Variants in SRSF4 observed in about 807,000 individuals in gnomAD.
SRSF4 encodes serine and arginine rich splicing factor 4, also known as serine/arginine-rich splicing factor 4.
A neutral mutation model predicts 48.8 loss-of-function variants in SRSF4; 12 were observed. The ratio of observed to expected loss-of-function variants is 0.25; its 90% CI spans 0.16 to 0.40. The LOEUF is 0.40. SRSF4 is among the 10% of genes least tolerant of loss of function. The pLI is 1.00. For missense variants in SRSF4, 466 were observed against 667.1 expected, an observed-to-expected ratio of 0.70 and a Z score of 3.32; for synonymous variants, 248 against 232.5, an observed-to-expected ratio of 1.07 and a Z score of -0.61.
At chr1:29,154,641 G>T in intron 4 of SRSF4, 55 bp downstream of exon 4, 2 of 1,512,110 alleles carry the variant, frequency 1.3e-6, no homozygotes, top group Non-Finnish European at 1.8e-6. Context: ...AATTATCTAT[G>T]TGCTCACTAA....
intron 1 of SRSF4, among the ~76,000 whole-genome samples, chr1:29,180,198 CCA>C: frequency 6.6e-6 from 1 of 152,278 alleles, no homozygotes; most frequent in Admixed American, 6.5e-5. Context: ...GCTTCAAAAT[CCA>C]CACTTTGTCC....
intron 4 of SRSF4, among the ~76,000 whole-genome samples, chr1:29,153,686 C>T (rs1421930087): frequency 2.0e-5 from 3 of 150,030 alleles, no homozygotes; most frequent in Non-Finnish European, 4.4e-5. Context: ...ACAACCTCCG[C>T]CTCCCAGGTT....
rs2230679 is a variant in SRSF4, at chr1:29,149,136, T to A, written c.759A>T (p.Glu253Asp). Residue 253 changes from glutamate to aspartate, a missense_variant, in exon 6 of 6, where the codon GAA (glutamate) becomes GAT (aspartate). Glu to Asp is a conservative substitution (Grantham distance 45). Around this residue, in one of 2 missense-constraint regions of SRSF4, gnomAD observed 402 missense variants for 437.0 expected, o/e 0.92. Transcript: ENST00000373795. ...KKEKSRSPSK[E>D]KSRSRSHSAG... ...CGCTATGGCTGCGGCTGCGGCTCTT[T>A]TCCTTGCTGGGGCTCCTGCTTTTCT... 1 of 1,613,474 alleles carries A rather than the reference T, an allele frequency of 6.2e-7. No individual in the cohort carries two copies. Among genetic ancestry groups the A allele is most frequent in the East Asian group, 2.2e-5 (1 of 44,782 alleles).
At chr1:29,169,655 A>G (rs1452157746) in intron 1 of SRSF4, 1 of 152,214 alleles carries the variant, frequency 6.6e-6, no homozygotes, top group East Asian at 1.9e-4. Flanking sequence ...GGAAAATTAA[A>G]CTCATGATCC....
chr1:29,173,150 T>G (rs1672771996), intron 1 of SRSF4: 1 of 131,766 alleles, frequency 7.6e-6, no homozygotes, highest in Non-Finnish European at 1.6e-5. Context: ...TTTTTTTTTT[T>G]TTTTTGAGAC....
At chr1:29,181,411 C>T (rs756413167) in intron 1 of SRSF4, among the ~76,000 whole-genome samples, 7 of 152,154 alleles carry the variant, frequency 4.6e-5, no homozygotes, top group Non-Finnish European at 1.0e-4. Context: ...TTCCTTCTCC[C>T]CGTCCCACTC....
chr1:29,171,391 T>C (rs1476423359), intron 1 of SRSF4: 3 of 148,538 alleles, frequency 2.0e-5, no homozygotes, highest in African/African-American at 7.5e-5. Flanking sequence ...AAGCTTTGAA[T>C]GTCAATGCCC....
At chr1:29,162,672 C>T (rs955484501) in intron 1 of SRSF4, among the ~76,000 whole-genome samples, 3 of 152,230 alleles carry the variant, frequency 2.0e-5, no homozygotes, top group African/African-American at 4.8e-5. Flanking sequence ...ATGGCCTCCA[C>T]TCCCTTCGAG....
intron 1 of SRSF4, 144 bp downstream of exon 1, chr1:29,181,502 C>T (rs1014354973): frequency 1.2e-5 from 8 of 655,640 alleles, no homozygotes; most frequent in Admixed American, 4.1e-5. Context: ...TACCCGCGCC[C>T]CCGAGGCGCC....
At chr1:29,163,405 T>C (rs1000707716) in intron 1 of SRSF4, among the ~76,000 whole-genome samples, 4 of 152,362 alleles carry the variant, frequency 2.6e-5, no homozygotes, top group Non-Finnish European at 4.4e-5. Flanking sequence ...CTCTCTGCCA[T>C]TGACATGCTG....
At chr1:29,149,349 G>C (rs1487974127) in intron 5 of SRSF4, 123 bp from the exon 6 acceptor site, 10 of 1,251,772 alleles carry the variant, frequency 8.0e-6, no homozygotes, top group Non-Finnish European at 1.1e-5. Flanking sequence ...GGCACTGGCT[G>C]AGGATTGTTT....
At chr1:29,156,235 C>A (rs1344341309) in intron 3 of SRSF4, among the ~76,000 whole-genome samples, 2 of 151,896 alleles carry the variant, frequency 1.3e-5, no homozygotes, top group East Asian at 3.9e-4. Context: ...GCGCTTGTAA[C>A]CCCAGCTACC....
At chr1:29,174,866 G>A (rs924615022) in intron 1 of SRSF4, among the ~76,000 whole-genome samples, 2 of 151,436 alleles carry the variant, frequency 1.3e-5, no homozygotes, top group African/African-American at 4.8e-5. Context: ...TAGAGACAGG[G>A]TTTCACCATG....
chr1:29,148,280 A>C lies in SRSF4; in HGVS notation c.*130T>G. The C allele has an allele frequency of 7.8e-7, 1 of 1,287,866 alleles. No individual in the cohort carries two copies. Among genetic ancestry groups the C allele is most frequent in the Non-Finnish European group, 1.1e-6 (1 of 909,858 alleles). The allele number at this position is 1,287,866 out of a possible 1,614,324, so 79.8% of individuals were successfully genotyped here. On this transcript the variant is annotated 3_prime_UTR_variant, in exon 6 of 6. Coordinates refer to ENST00000373795, the MANE Select transcript of SRSF4 (RefSeq NM_005626.5). ...CTGAGAGGAAGCACTTAGATTTAAC[A>C]ATTATAGACACACCATTAGGGGAGT...
At chr1:29,172,697 A>T (rs1194768171) in intron 1 of SRSF4, 2 of 152,194 alleles carry the variant, frequency 1.3e-5, no homozygotes, top group Non-Finnish European at 2.9e-5. Context: ...CTGGAAAGTT[A>T]TTTGGTTATA....
At chr1:29,150,539 C>T (rs1258890746) in intron 4 of SRSF4, among the ~76,000 whole-genome samples, 3 of 152,142 alleles carry the variant, frequency 2.0e-5, no homozygotes, top group Non-Finnish European at 2.9e-5. Context: ...GCCAGGATTA[C>T]AGGCATGAGC....
Position 29,148,783 on chromosome 1 carries a change from C to A in SRSF4, c.1112G>T (p.Arg371Leu). 1.2e-6 allele frequency: 2 copies of A among 1,613,430 alleles called. No homozygotes were observed. Among genetic ancestry groups the A allele is most frequent in the Non-Finnish European group, 1.7e-6 (2 of 1,179,748 alleles). ...CTTTCTGCTCCTCTCACTCTTGCTG[C>A]GGCTGCGACTGCGACTGCGGCTCTC... ...REESRSRSRSRSKSERSRKRG... is the reference protein window; with the variant it reads ...REESRSRSRSLSKSERSRKRG... Residue 371 changes from arginine to leucine, a missense_variant, in exon 6 of 6, where the codon CGC (arginine) becomes CTC (leucine). By Grantham distance (102) the Arg-to-Leu change is moderately radical (BLOSUM62 -2). Around this residue, in one of 2 missense-constraint regions of SRSF4, gnomAD observed 402 missense variants for 437.0 expected, o/e 0.92. Transcript: ENST00000373795.
At chr1:29,167,652 G>C (rs562646306) in intron 1 of SRSF4, among the ~76,000 whole-genome samples, 9 of 152,312 alleles carry the variant, frequency 5.9e-5, no homozygotes, top group Admixed American at 3.3e-4. Context: ...CAAAGTGCTG[G>C]GATTACAGGC....
intron 1 of SRSF4, among the ~76,000 whole-genome samples, chr1:29,177,759 G>A (rs1020944550): frequency 7.9e-5 from 12 of 152,066 alleles, no homozygotes; most frequent in Admixed American, 2.0e-4. Flanking sequence ...GTAATAAAAC[G>A]GTAGGCAATG....
Sources: allele counts gnomAD v4.1 joint callset (sites outside exome capture counted in the v4.1 genomes callset), GRCh38; gene constraint gnomAD v4.1.1; regional missense constraint gnomAD v4.1.1; transcripts MANE v1.5; gene names NCBI Gene and HGNC (gene_info 2026-07-23, HGNC 2026-07-21).